The following TULP4 variants were observed in gnomAD, a reference collection of about 807,000 sequenced individuals.
The protein encoded by TULP4 is TUB like protein 4, also known as tubby-related protein 4.
Under a neutral mutation model 129.0 loss-of-function variants are expected in TULP4, and 16 were observed. The observed-to-expected ratio is 0.12, with a 90% CI of 0.08 to 0.19. The LOEUF is 0.19. TULP4 is among the 10% of genes least tolerant of loss of function. The pLI, the probability that TULP4 is intolerant of heterozygous loss-of-function variation, is 1.00. For missense variants in TULP4, 1,842 were observed against 2,059.1 expected, an observed-to-expected ratio of 0.89 and a Z score of 2.04; for synonymous variants, 998 against 854.0, an observed-to-expected ratio of 1.17 and a Z score of -2.94.
chr6:158,232,573 T>C (rs1466933120), intron 1 of TULP4, among the ~76,000 whole-genome samples: 3 of 151,010 alleles, frequency 2.0e-5, no homozygotes, highest in African/African-American at 7.3e-5. Flanking sequence ...TGTGAGAAAA[T>C]GGGGCGAAAG....
intron 1 of TULP4, among the ~76,000 whole-genome samples, chr6:158,291,675 C>T (rs1269069771): frequency 6.6e-6 from 1 of 151,972 alleles, no homozygotes; most frequent in African/African-American, 2.4e-5. Context: ...TTAGATTTGT[C>T]CTTTTTTAAT....
rs561718295 is a variant in TULP4, at chr6:158,295,898, A to G, written n.116+13520A>G. Among the ~76,000 whole-genome samples the G allele has an allele frequency of 5.6e-4, 85 of 152,182 alleles. 1 individual carries two copies. The highest frequency in any genetic ancestry group is 2.0e-3 in the African/African-American group (84 of 41,532). On this transcript the variant is annotated intron_variant and non_coding_transcript_variant, in intron 1 of 1. Coordinates refer to the TULP4 transcript ENST00000432358. ...AGAATGAGACTCCGTCTCAAAAGAA[A>G]AAAAGAAATATGGCCAGCATACAAG...
At chr6:158,422,962 G>T (rs547885667) in intron 2 of TULP4, among the ~76,000 whole-genome samples, 1 of 152,346 alleles carries the variant, frequency 6.6e-6, no homozygotes, top group African/African-American at 2.4e-5. Context: ...CTAATGGTCT[G>T]CATTTGCATA....
At chr6:158,486,212 CA>C (rs989052269) in intron 8 of TULP4, among the ~76,000 whole-genome samples, 13 of 151,968 alleles carry the variant, frequency 8.6e-5, no homozygotes, top group African/African-American at 1.2e-4. Flanking sequence ...TTAGGACTTA[CA>C]GGGGGGAGTT....
rs1780491838 is a variant in TULP4 at position 158,502,805 on chromosome 6, C to G, written c.3142C>G (p.Gln1048Glu). ...SQCSGTGPSS[Q>E]PGASLAHTAS... ...GTGCAGTGGCACAGGGCCCAGCTCA[C>G]AGCCCGGAGCCTCCCTGGCCCATAC... The change falls in exon 13 of 14, where the codon CAG becomes GAG. Residue 1048 changes from glutamine (Q) to glutamate (E), a missense_variant. Physicochemically the swap from Gln to Glu is conservative, Grantham distance 29 (BLOSUM62 2). Coordinates refer to ENST00000367097, the MANE Select transcript of TULP4 (RefSeq NM_020245.5). 1 of 1,611,404 alleles carries G rather than the reference C, an allele frequency of 6.2e-7. No individual in the cohort carries two copies. Among genetic ancestry groups the G allele is most frequent in the Admixed American group, 1.7e-5 (1 of 59,972 alleles).
At chr6:158,299,860 G>C (rs886513154) in intron 1 of TULP4, among the ~76,000 whole-genome samples, 2 of 152,166 alleles carry the variant, frequency 1.3e-5, no homozygotes, top group African/African-American at 4.8e-5. Flanking sequence ...GTGTAAGGGG[G>C]AGAATTATTA....
At chr6:158,491,119 G>A (rs1425350106) in intron 9 of TULP4, among the ~76,000 whole-genome samples, 1 of 152,134 alleles carries the variant, frequency 6.6e-6, no homozygotes, top group East Asian at 1.9e-4. Flanking sequence ...CAGGGTAGCC[G>A]CACCCACGTA....
chr6:158,234,462 T>C (rs1188368411), intron 1 of TULP4, among the ~76,000 whole-genome samples: 1 of 152,242 alleles, frequency 6.6e-6, no homozygotes, highest in African/African-American at 2.4e-5. Context: ...GTATCTGAAT[T>C]CAGGAAGGTT....
chr6:158,454,027 C>CG (rs1779234361), intron 5 of TULP4, among the ~76,000 whole-genome samples: 1 of 148,812 alleles, frequency 6.7e-6, no homozygotes, highest in South Asian at 2.2e-4. Flanking sequence ...CACCGCCCCC[C>CG]CCCAAGTAAT....
At chr6:158,363,011 A>G (rs1780833191) in intron 1 of TULP4, among the ~76,000 whole-genome samples, 1 of 150,724 alleles carries the variant, frequency 6.6e-6, no homozygotes, top group Non-Finnish European at 1.5e-5. Flanking sequence ...GCAGTGAGCC[A>G]AGATTGCGCG....
intron 1 of TULP4, among the ~76,000 whole-genome samples, chr6:158,271,029 A>G (rs1267959389): frequency 6.6e-6 from 1 of 152,038 alleles, no homozygotes; most frequent in Non-Finnish European, 1.5e-5. Context: ...AGGTGCCTAT[A>G]ATCCCAGATA....
intron 1 of TULP4, among the ~76,000 whole-genome samples, chr6:158,378,646 G>A (rs528875530): frequency 1.1e-4 from 17 of 151,940 alleles, no homozygotes; most frequent in South Asian, 2.1e-4. Flanking sequence ...CACTGTGCCC[G>A]GCTGATTTTT....
At chr6:158,320,251 AAG>A (rs2128486315) in intron 1 of TULP4, among the ~76,000 whole-genome samples, 2 of 152,270 alleles carry the variant, frequency 1.3e-5, no homozygotes, top group African/African-American at 4.8e-5. Context: ...TTTCTTTTAA[AAG>A]AGTCCTCAAT....
At chr6:158,402,290 C>A (rs1351825246) in intron 1 of TULP4, among the ~76,000 whole-genome samples, 1 of 143,280 alleles carries the variant, frequency 7.0e-6, no homozygotes, top group Non-Finnish European at 1.5e-5. Flanking sequence ...TTGTCATATT[C>A]CCAGTGTGGC....
chr6:158,314,363 C>A, intron 1 of TULP4, 95 bp downstream of exon 1: 1 of 1,451,640 alleles, frequency 6.9e-7, no homozygotes, highest in Non-Finnish European at 9.3e-7. Context: ...GTTTCATAGA[C>A]TTGCTGCCTA....
intron 1 of TULP4, among the ~76,000 whole-genome samples, chr6:158,302,199 G>A (rs947945974): frequency 3.9e-5 from 6 of 152,218 alleles, no homozygotes; most frequent in Non-Finnish European, 7.3e-5. Context: ...CTGGCAGATG[G>A]TAGGGCTATT....
At chr6:158,433,053 CTT>C (rs1778665696) in intron 3 of TULP4, among the ~76,000 whole-genome samples, 1 of 152,114 alleles carries the variant, frequency 6.6e-6, no homozygotes, top group Non-Finnish European at 1.5e-5. Context: ...ATTTCATAGT[CTT>C]TTTTGGTTTT....
intron 1 of TULP4, among the ~76,000 whole-genome samples, chr6:158,342,142 T>C (rs12527722): frequency 6.6e-6 from 1 of 152,180 alleles, no homozygotes; most frequent in Admixed American, 6.5e-5. Context: ...GGTCTTGAAC[T>C]CTTGACCTCA....
chr6:158,473,427 T>G (rs1779737270), intron 6 of TULP4, among the ~76,000 whole-genome samples: 1 of 152,240 alleles, frequency 6.6e-6, no homozygotes, highest in Non-Finnish European at 1.5e-5. Flanking sequence ...TACAATTTAG[T>G]TGGTGGCCAA....
Sources: allele counts gnomAD v4.1 joint callset (sites outside exome capture counted in the v4.1 genomes callset), GRCh38; gene constraint gnomAD v4.1.1; transcripts MANE v1.5; gene names NCBI Gene and HGNC (gene_info 2026-07-23, HGNC 2026-07-21).